Variants in ARSG observed in about 807,000 individuals in gnomAD.
ARSG encodes arylsulfatase G.
A neutral mutation model predicts 50.5 loss-of-function variants in ARSG; 37 were observed. That is an observed-to-expected ratio of 0.73 (90% CI 0.56 to 0.96). The LOEUF (loss-of-function observed/expected upper bound fraction) is 0.96, where lower values mean the gene tolerates loss of function less well. Among genes scored for constraint, ARSG ranks in the 50% least tolerant of loss-of-function variants. ARSG has a pLI of 0.00. For missense variants in ARSG, 629 were observed against 675.3 expected (o/e 0.93, Z 0.76); for synonymous variants, 225 against 254.6 (o/e 0.88, Z 1.11).
chr17:68,373,739 A>G (rs140141950), intron 8 of ARSG, among the ~76,000 whole-genome samples: 3 of 151,872 alleles, frequency 2.0e-5, no homozygotes, highest in Admixed American at 6.6e-5. Flanking sequence ...CTCTCTCTCT[A>G]TATATATGTA....
chr17:68,347,412 A>G (rs531089601), intron 4 of ARSG, among the ~76,000 whole-genome samples: 8 of 152,178 alleles, frequency 5.3e-5, no homozygotes, highest in Non-Finnish European at 1.0e-4. Flanking sequence ...CAACTGCCCC[A>G]TCACAGGCCC....
chr17:68,346,806 C>T, intron 3 of ARSG: 1 of 1,333,992 alleles, frequency 7.5e-7, no homozygotes, highest in Admixed American at 2.2e-5. Flanking sequence ...GTGAAGGAGC[C>T]CATGTGGGGT....
the ARSG span, among the ~76,000 whole-genome samples, chr17:68,444,303 C>T: frequency 1.3e-5 from 2 of 152,188 alleles, no homozygotes; most frequent in Non-Finnish European, 2.9e-5. Context: ...GGCACACAGC[C>T]CCCCTGCAGG....
intron 4 of ARSG, among the ~76,000 whole-genome samples, chr17:68,351,055 C>T (rs991198584): frequency 2.6e-5 from 4 of 152,128 alleles, no homozygotes; most frequent in Non-Finnish European, 4.4e-5. Flanking sequence ...TCGGGGGTAA[C>T]TTCCTGTGAT....
chr17:68,420,224 G>A lies in ARSG; in HGVS notation c.1339G>A (p.Glu447Lys). The change falls in exon 12 of 12, where the codon GAG becomes AAG. Residue 447 changes from glutamate (E) to lysine (K), a missense_variant. Coordinates refer to ENST00000621439, the MANE Select transcript of ARSG (RefSeq NM_001267727.2). ...ARACDGSTGP[E>K]LQHKFPLIFN... is the part of the protein sequence containing the mutation. ...GGCGTGTGATGGGAGCACGGGGCCT[G>A]AGCTGCAGCATAAGTTTCCTCTGAT... is the stretch of plus-strand genomic sequence containing the variant. 6.2e-7 allele frequency: 1 copy of A among 1,614,136 alleles called. No homozygotes were observed.
intron 6 of ARSG, among the ~76,000 whole-genome samples, chr17:68,363,162 G>A (rs1307281896): frequency 6.6e-6 from 1 of 152,194 alleles, no homozygotes; most frequent in East Asian, 1.9e-4. Context: ...GGGCAGAGAG[G>A]AGGCAGCCAA....
chr17:68,345,863 A>G (rs1174402805), intron 3 of ARSG, among the ~76,000 whole-genome samples: 1 of 152,168 alleles, frequency 6.6e-6, no homozygotes, highest in South Asian at 2.1e-4. Context: ...ATAATGCTTA[A>G]TACATTTCTC....
the ARSG span, chr17:68,440,915 T>A: frequency 6.6e-6 from 1 of 152,224 alleles, no homozygotes; most frequent in Non-Finnish European, 1.5e-5. Context: ...TAGAAAGACA[T>A]CTTCTTTGTA....
At chr17:68,287,163 A>C (rs534697978), upstream of ARSG, among the ~76,000 whole-genome samples, 1 of 152,136 alleles carries the variant, frequency 6.6e-6, no homozygotes, top group East Asian at 1.9e-4. Flanking sequence ...TTGTTTTAGT[A>C]GAGATGGAGT....
chr17:68,427,378 G>A, downstream of ARSG: 1 of 728,594 alleles, frequency 1.4e-6, no homozygotes. Context: ...TATTTTTGAG[G>A]CAGGGTCTTG....
At chr17:68,278,041 A>G in intron 1 of ARSG, 1 of 1,305,046 alleles carries the variant, frequency 7.7e-7, no homozygotes, top group Non-Finnish European at 1.1e-6. Context: ...TAGCCAAATT[A>G]AAAGGGCCCT....
the ARSG span, among the ~76,000 whole-genome samples, chr17:68,438,259 C>T: frequency 6.4e-4 from 86 of 133,882 alleles, 1 homozygote; most frequent in South Asian, 0.012. Context: ...CCTGCCACCC[C>T]TTTGGCGATA....
intron 6 of ARSG, among the ~76,000 whole-genome samples, chr17:68,364,076 C>T (rs1168725125): frequency 1.3e-5 from 2 of 152,146 alleles, no homozygotes; most frequent in African/African-American, 2.4e-5. Flanking sequence ...ATGGGTGCCT[C>T]TCACCTGCCC....
At chr17:68,272,446 A>G (rs1175002606) in intron 1 of ARSG, among the ~76,000 whole-genome samples, 2 of 152,240 alleles carry the variant, frequency 1.3e-5, no homozygotes, top group East Asian at 3.8e-4. Flanking sequence ...CCTATTATTA[A>G]GGTGGTCTGA....
intron 11 of ARSG, among the ~76,000 whole-genome samples, chr17:68,408,078 A>G (rs567238852): frequency 4.6e-5 from 7 of 151,894 alleles, no homozygotes; most frequent in African/African-American, 1.7e-4. Flanking sequence ...TGCAAAACAA[A>G]TGTGCACTAG....
intron 2 of ARSG, among the ~76,000 whole-genome samples, chr17:68,319,966 A>G (rs1015678704): frequency 3.3e-5 from 5 of 152,232 alleles, no homozygotes; most frequent in Admixed American, 6.5e-5. Context: ...TTTAGGTGAT[A>G]AAGCTTGCAG....
chr17:68,322,339 C>G (rs149008567), intron 2 of ARSG, among the ~76,000 whole-genome samples: 9 of 152,138 alleles, frequency 5.9e-5, no homozygotes, highest in Non-Finnish European at 1.2e-4. Context: ...TAGAAATGTA[C>G]GATAGCTGGC....
At chr17:68,319,296 G>GGTC (rs1178176228) in intron 2 of ARSG, among the ~76,000 whole-genome samples, 4 of 152,172 alleles carry the variant, frequency 2.6e-5, no homozygotes, top group African/African-American at 9.7e-5. Context: ...AGCTTTGGGA[G>GGTC]GTCCCATCCT....
At chr17:68,357,704 C>T (rs979809648) in intron 6 of ARSG, among the ~76,000 whole-genome samples, 13 of 152,144 alleles carry the variant, frequency 8.5e-5, no homozygotes, top group African/African-American at 3.1e-4. Flanking sequence ...GCAGGATGAA[C>T]GTAAGGCATT....
Sources: allele counts gnomAD v4.1 joint callset (sites outside exome capture counted in the v4.1 genomes callset), GRCh38; gene constraint gnomAD v4.1.1; transcripts MANE v1.5; gene names NCBI Gene and HGNC (gene_info 2026-07-23, HGNC 2026-07-21).